Variants in TP53BP1 observed in about 807,000 individuals in gnomAD.
The protein encoded by TP53BP1 is TP53-binding protein 1.
A neutral mutation model predicts 200.8 loss-of-function variants in TP53BP1; 61 were observed. The observed-to-expected ratio is 0.30, with a 90% CI of 0.25 to 0.38. TP53BP1 has a LOEUF of 0.38. Among genes scored for constraint, TP53BP1 ranks in the 10% least tolerant of loss-of-function variants. TP53BP1 has a pLI of 1.00. For synonymous variants in TP53BP1, 822 were observed against 844.3 expected, an observed-to-expected ratio of 0.97 and a Z score of 0.46; for missense variants, 2,144 against 2,371.9, an observed-to-expected ratio of 0.90 and a Z score of 2.00.
chr15:43,405,279 C>T lies in TP53BP1; in HGVS notation c.*2104G>A, dbSNP rs994510026. On this transcript the variant is annotated 3_prime_UTR_variant, in exon 28 of 28. Transcript: ENST00000382044. Reference sequence around the variant, plus strand: ...CAAGGTTGTAACAGAAGATTCAAAACATCCCATTCTAGCCACACACAAATA... The same window carrying T: ...CAAGGTTGTAACAGAAGATTCAAAATATCCCATTCTAGCCACACACAAATA... The T allele has an allele frequency of 1.5e-5, 24 of 1,561,098 alleles. No homozygotes were observed. Among genetic ancestry groups the T allele is most frequent in the Non-Finnish European group, 2.1e-5 (24 of 1,132,290 alleles).
chr15:43,438,728 CAAAAAAAAAAAAAAAAAA>C (rs397699362), intron 15 of TP53BP1, among the ~76,000 whole-genome samples: 3 of 21,648 alleles, frequency 1.4e-4, no homozygotes, highest in Non-Finnish European at 2.4e-4. Flanking sequence ...AAGCAAGAGG[CAAAAAAAAAAAAAAAAAA>C]AAAAAAAAAA....
chr15:43,483,814 T>C (rs368414459), intron 4 of TP53BP1, among the ~76,000 whole-genome samples: 3 of 152,344 alleles, frequency 2.0e-5, no homozygotes, highest in African/African-American at 4.8e-5. Flanking sequence ...ACAACACACT[T>C]TGAGCTCTTC....
intron 17 of TP53BP1, among the ~76,000 whole-genome samples, chr15:43,429,332 A>G (rs2045619997): frequency 1.3e-5 from 2 of 152,148 alleles, no homozygotes; most frequent in African/African-American, 2.4e-5. Context: ...GAAAAAATAC[A>G]TGTTTTCTAA....
At chr15:43,424,162 CAG>C (rs2045472947) in intron 18 of TP53BP1, among the ~76,000 whole-genome samples, 1 of 152,210 alleles carries the variant, frequency 6.6e-6, no homozygotes, top group Admixed American at 6.5e-5. Context: ...CTCTTTCTAG[CAG>C]AGACTGGTTT....
chr15:43,436,559 C>T (rs1003469705), intron 16 of TP53BP1, among the ~76,000 whole-genome samples: 2 of 152,008 alleles, frequency 1.3e-5, no homozygotes, highest in East Asian at 1.9e-4. Context: ...CCTGCAGCCT[C>T]GACCACCCAG....
intron 25 of TP53BP1, chr15:43,409,442 C>A: frequency 1.9e-6 from 1 of 536,506 alleles, no homozygotes; most frequent in Non-Finnish European, 3.3e-6. Flanking sequence ...GAACCATAGC[C>A]ATTAACTAAC....
rs45502701 is a variant in TP53BP1 at position 43,415,475 on chromosome 15, C to T, written c.5089+119G>A. ...ATATCACCTGTGGGCTTGGGCAGGA[C>T]CCCGACTTTATAGCAGGACAGAAGG... On this transcript the variant is annotated intron_variant, in intron 23 of 27. Coordinates refer to ENST00000382044, the MANE Select transcript of TP53BP1 (RefSeq NM_001141980.3). 3.2e-4 allele frequency: 347 copies of T among 1,086,190 alleles called. 2 individuals are homozygous for T. In the African/African-American group the frequency reaches 4.5e-3, roughly 14 times the overall value. 67.3% of individuals were successfully genotyped at this position (1,086,190 alleles called of 1,614,324 possible).
intron 1 of TP53BP1, among the ~76,000 whole-genome samples, chr15:43,499,019 CA>C (rs540418662): frequency 5.2e-4 from 73 of 141,376 alleles, no homozygotes; most frequent in East Asian, 1.8e-3. Context: ...ACAACAACAA[CA>C]AAAAAAAAAA....
chr15:43,447,820 G>C (rs1034701284), intron 12 of TP53BP1, among the ~76,000 whole-genome samples: 3 of 152,172 alleles, frequency 2.0e-5, no homozygotes, highest in Non-Finnish European at 4.4e-5. Flanking sequence ...CAGTACATCA[G>C]GGGATATTTA....
chr15:43,454,514 C>T (rs1002717483), intron 12 of TP53BP1, among the ~76,000 whole-genome samples: 2 of 151,516 alleles, frequency 1.3e-5, no homozygotes, highest in African/African-American at 4.8e-5. Context: ...TAGGCGCCTG[C>T]CAGCACTCCT....
At chr15:43,417,217 AC>A (rs1566918437) in intron 21 of TP53BP1, 1 of 152,168 alleles carries the variant, frequency 6.6e-6, no homozygotes, top group Non-Finnish European at 1.5e-5. Context: ...CATATACAAT[AC>A]AAAAACAAGG....
intron 11 of TP53BP1, among the ~76,000 whole-genome samples, chr15:43,457,671 CAAAAAAAAAAAAAAAAAAAA>C (rs56866996): frequency 5.2e-5 from 1 of 19,082 alleles, no homozygotes; most frequent in South Asian, 3.6e-3. Flanking sequence ...GACTCCATCT[CAAAAAAAAAAAAAAAAAAAA>C]AAAAAAAAAA....
chr15:43,443,005 T>C (rs1195487577), intron 14 of TP53BP1, among the ~76,000 whole-genome samples: 1 of 151,266 alleles, frequency 6.6e-6, no homozygotes, highest in Non-Finnish European at 1.5e-5. Flanking sequence ...TTTATATTTT[T>C]AGTAGAGATG....
At chr15:43,488,924 T>C (rs1052126068) in intron 4 of TP53BP1, among the ~76,000 whole-genome samples, 2 of 152,284 alleles carry the variant, frequency 1.3e-5, no homozygotes, top group South Asian at 2.1e-4. Flanking sequence ...AGAGATTTCA[T>C]TCTTTTGGAA....
upstream of TP53BP1, chr15:43,493,300 G>T: frequency 8.1e-7 from 1 of 1,235,148 alleles, no homozygotes. Flanking sequence ...GCGTTTCCAT[G>T]GCAGCATGGA....
At chr15:43,504,794 G>A (rs1595638625) in intron 1 of TP53BP1, among the ~76,000 whole-genome samples, 1 of 152,086 alleles carries the variant, frequency 6.6e-6, no homozygotes, top group South Asian at 2.1e-4. Context: ...CCGAGGCGGA[G>A]AGATCACCTG....
chr15:43,493,059 C>T lies in TP53BP1; in HGVS notation c.-16G>A, dbSNP rs1230479958. 3.7e-6 allele frequency: 6 copies of T among 1,613,044 alleles called. No homozygotes were observed. Among genetic ancestry groups the T allele is most frequent in the African/African-American group, 1.3e-5 (1 of 74,858 alleles). Reference sequence around the variant, plus strand: ...TACCAGGCATCCCGGCGGGAGGTCCCTCGCGCTCGAGCTAGAGGTCTCTGC... The same window carrying T: ...TACCAGGCATCCCGGCGGGAGGTCCTTCGCGCTCGAGCTAGAGGTCTCTGC... On this transcript the variant is annotated 5_prime_UTR_variant, in exon 1 of 28. Transcript: ENST00000382044.
Position 43,405,197 on chromosome 15 carries a change from T to A in TP53BP1, c.*2186A>T. 1 of 1,614,176 alleles carries A rather than the reference T, an allele frequency of 6.2e-7. No homozygotes were observed. Reference sequence around the variant, plus strand: ...ACTTAATAAGGCTCTTTTTCTCTTTTGTAGTTTCGGGATGTGAAAATTTCT... The same window carrying A: ...ACTTAATAAGGCTCTTTTTCTCTTTAGTAGTTTCGGGATGTGAAAATTTCT... On this transcript the variant is annotated 3_prime_UTR_variant, in exon 28 of 28. Coordinates refer to ENST00000382044, the MANE Select transcript of TP53BP1 (RefSeq NM_001141980.3).
At chr15:43,412,613 C>T in intron 24 of TP53BP1, 2 of 465,600 alleles carry the variant, frequency 4.3e-6, no homozygotes, top group South Asian at 3.1e-5. Flanking sequence ...TTTGCAATCA[C>T]CCTGAGGAAC....
Sources: gnomAD v4.1 joint callset for allele counts (sites outside exome capture counted in the v4.1 genomes callset) on GRCh38, gnomAD v4.1.1 for gene constraint, MANE v1.5 for transcripts, NCBI Gene and HGNC (gene_info 2026-07-23, HGNC 2026-07-21) for gene names.